Variants in RALYL observed in about 807,000 individuals in gnomAD.
The protein encoded by RALYL is RALY RNA binding protein like.
A neutral mutation model predicts 35.1 loss-of-function variants in RALYL; 29 were observed. The ratio of observed to expected loss-of-function variants is 0.83; its 90% CI spans 0.61 to 1.13. RALYL has a LOEUF of 1.13. Among genes scored for constraint, RALYL ranks in the 50% most tolerant of loss-of-function variants. RALYL has a pLI of 0.00. For missense variants in RALYL, 359 were observed against 360.4 expected (o/e 1.00, Z 0.03); for synonymous variants, 120 against 127.6 (o/e 0.94, Z 0.40).
chr8:84,730,779 A>G (rs1388351995), intron 2 of RALYL, among the ~76,000 whole-genome samples: 2 of 152,114 alleles, frequency 1.3e-5, no homozygotes, highest in Admixed American at 6.6e-5. Flanking sequence ...ATGTCACATG[A>G]TTTGAAAGCC....
At chr8:84,649,111 G>A (rs972489013) in intron 2 of RALYL, among the ~76,000 whole-genome samples, 6 of 151,880 alleles carry the variant, frequency 4.0e-5, no homozygotes, top group Non-Finnish European at 2.9e-5. Context: ...CATTTATTAG[G>A]TTCACATAAG....
At chr8:84,824,753 G>A (rs1009341945) in intron 4 of RALYL, among the ~76,000 whole-genome samples, 1 of 152,126 alleles carries the variant, frequency 6.6e-6, no homozygotes, top group African/African-American at 2.4e-5. Flanking sequence ...ACAAAAATAA[G>A]CGATGGGGAA....
intron 2 of RALYL, among the ~76,000 whole-genome samples, chr8:84,619,803 T>G (rs1490665587): frequency 2.6e-5 from 4 of 151,764 alleles, no homozygotes; most frequent in African/African-American, 9.7e-5. Flanking sequence ...TGACAAAATC[T>G]CTCAGCATTT....
At chr8:84,350,432 T>C (rs1850677781) in intron 1 of RALYL, among the ~76,000 whole-genome samples, 1 of 150,680 alleles carries the variant, frequency 6.6e-6, no homozygotes, top group Non-Finnish European at 1.5e-5. Context: ...TAGTTTGCTT[T>C]ATTTTTCTTG....
In RALYL at chr8:84,450,138, A is replaced by G. The variant is rs534180542; in HGVS notation, c.-23-79161A>G. On this transcript the variant is annotated intron_variant, in intron 1 of 8. Coordinates refer to ENST00000521268, the MANE Select transcript of RALYL (RefSeq NM_173848.7). ...TATAGATATTGCTCCAGAAACTACTACTAAAATGATACAGCTTATGTTATT... is the reference window on the plus strand; with the variant it reads ...TATAGATATTGCTCCAGAAACTACTGCTAAAATGATACAGCTTATGTTATT... Among the ~76,000 whole-genome samples, 7 of 152,068 alleles carry G rather than the reference A, an allele frequency of 4.6e-5. No homozygotes were observed. In the South Asian group the frequency reaches 1.5e-3, roughly 32 times the overall value.
intron 1 of RALYL, among the ~76,000 whole-genome samples, chr8:84,396,340 T>C (rs1010368168): frequency 2.4e-4 from 36 of 152,134 alleles, no homozygotes; most frequent in Non-Finnish European, 3.4e-4. Flanking sequence ...ATAATTTATA[T>C]AGTTCTTAAA....
chr8:84,583,254 T>C (rs533447763), intron 2 of RALYL, among the ~76,000 whole-genome samples: 1 of 152,282 alleles, frequency 6.6e-6, no homozygotes, highest in Non-Finnish European at 1.5e-5. Flanking sequence ...GATTTGAGAT[T>C]GGTGAGTTGG....
In RALYL at chr8:84,213,339, C is replaced by T. The variant is rs970533380; in HGVS notation, c.-24+28915C>T. Among the ~76,000 whole-genome samples the T allele has an allele frequency of 3.3e-5, 5 of 152,114 alleles. No homozygotes were observed. The East Asian group carries it at 5.8e-4, about 18-fold the overall frequency. ...CCGGGAGACAGAGGTTGCAGTGAGCCGAGATCCCTCAACGCCATTGCACTC... is the reference window on the plus strand; with the variant it reads ...CCGGGAGACAGAGGTTGCAGTGAGCTGAGATCCCTCAACGCCATTGCACTC... On this transcript the variant is annotated intron_variant, in intron 1 of 8. Transcript: ENST00000521268.
At chr8:84,499,491 T>A (rs2056435581) in intron 1 of RALYL, among the ~76,000 whole-genome samples, 1 of 152,168 alleles carries the variant, frequency 6.6e-6, no homozygotes, top group South Asian at 2.1e-4. Flanking sequence ...AATATTATTG[T>A]CATTTAACAA....
At chr8:84,690,531 A>G (rs961121732) in intron 2 of RALYL, among the ~76,000 whole-genome samples, 1 of 152,098 alleles carries the variant, frequency 6.6e-6, no homozygotes, top group South Asian at 2.1e-4. Context: ...ATGGTAATGG[A>G]TGTGTTAAGT....
chr8:84,694,356 C>T (rs532198811), intron 2 of RALYL, among the ~76,000 whole-genome samples: 49 of 151,766 alleles, frequency 3.2e-4, no homozygotes, highest in South Asian at 6.2e-4. Context: ...AAAACAATCT[C>T]GTTTACATAG....
At chr8:84,724,422 A>C (rs1844568240) in intron 2 of RALYL, among the ~76,000 whole-genome samples, 1 of 151,846 alleles carries the variant, frequency 6.6e-6, no homozygotes, top group Non-Finnish European at 1.5e-5. Flanking sequence ...TCTTTGTTAA[A>C]GATATTTGGC....
chr8:84,619,470 T>C (rs1378664911), intron 2 of RALYL, among the ~76,000 whole-genome samples: 1 of 148,040 alleles, frequency 6.8e-6, no homozygotes, highest in Non-Finnish European at 1.5e-5. Flanking sequence ...ATCCTTTTAT[T>C]TTGAGCCTAT....
intron 1 of RALYL, among the ~76,000 whole-genome samples, chr8:84,280,402 GATATA>G (rs1194515820): frequency 6.6e-6 from 1 of 152,034 alleles, no homozygotes; most frequent in Non-Finnish European, 1.5e-5. Context: ...TGAAAGGGAA[GATATA>G]ATATATCCAC....
chr8:84,684,918 C>G (rs1836430942), intron 2 of RALYL, among the ~76,000 whole-genome samples: 1 of 152,120 alleles, frequency 6.6e-6, no homozygotes, highest in Admixed American at 6.5e-5. Context: ...ATCAATCATC[C>G]AGGGGCTGGC....
intron 7 of RALYL, among the ~76,000 whole-genome samples, chr8:84,885,183 G>A (rs1042721846): frequency 6.6e-6 from 1 of 152,058 alleles, no homozygotes; most frequent in Non-Finnish European, 1.5e-5. Context: ...ATGATATGTG[G>A]AAGGAAAATG....
At chr8:84,422,079 G>C (rs1212301804) in intron 1 of RALYL, among the ~76,000 whole-genome samples, 1 of 151,542 alleles carries the variant, frequency 6.6e-6, no homozygotes, top group Admixed American at 6.6e-5. Flanking sequence ...AGTTAGGGAG[G>C]ATTCCCTCTT....
chr8:84,337,703 T>C (rs377593701), intron 1 of RALYL, among the ~76,000 whole-genome samples: 18 of 152,126 alleles, frequency 1.2e-4, no homozygotes, highest in East Asian at 7.7e-4. Flanking sequence ...ACTTCTTCTG[T>C]GGTAAACACT....
rs565364526 is a variant in RALYL, at chr8:84,605,441, C to G, written c.256+75864C>G. Among the ~76,000 whole-genome samples the G allele has an allele frequency of 3.9e-4, 59 of 152,222 alleles. No homozygotes were observed. The South Asian group carries it at 0.011, about 28-fold the overall frequency. On this transcript the variant is annotated intron_variant, in intron 2 of 8. Transcript: ENST00000521268. ...ATCATCATAAGCATTACCACCACCA[C>G]CAGCAGCAGATTCTGTGCTCTTAAC...
Sources: allele counts gnomAD v4.1 joint callset (sites outside exome capture counted in the v4.1 genomes callset), GRCh38; gene constraint gnomAD v4.1.1; transcripts MANE v1.5; gene names NCBI Gene and HGNC (gene_info 2026-07-23, HGNC 2026-07-21).